The following PSTPIP2 variants were observed in gnomAD, a reference collection of about 807,000 sequenced individuals.
PSTPIP2 encodes the protein proline-serine-threonine phosphatase interacting protein 2.
PSTPIP2 carries 33 observed loss-of-function variants against 63.3 expected under a neutral mutation model. That is an observed-to-expected ratio of 0.52 (90% CI 0.40 to 0.70). The LOEUF (loss-of-function observed/expected upper bound fraction) is 0.70. PSTPIP2 is among the 30% of genes least tolerant of loss of function. PSTPIP2 has a pLI of 0.00. For missense variants in PSTPIP2, 312 were observed against 400.7 expected (o/e 0.78, Z 1.89); for synonymous variants, 125 against 132.7 (o/e 0.94, Z 0.40).
intron 1 of PSTPIP2, 54 bp from the exon 2 acceptor site, chr18:46,040,101 C>A: frequency 7.1e-7 from 1 of 1,399,884 alleles, no homozygotes; most frequent in Non-Finnish European, 9.8e-7. Flanking sequence ...GCCCCCAAGG[C>A]CGGAGAGAAG....
chr18:45,985,966 A>G (rs1204682496), intron 14 of PSTPIP2, among the ~76,000 whole-genome samples: 1 of 152,002 alleles, frequency 6.6e-6, no homozygotes, highest in Non-Finnish European at 1.5e-5. Context: ...TAGTAGAGAT[A>G]GGGTTTCACC....
chr18:46,056,734 A>G (rs944770731), intron 1 of PSTPIP2, among the ~76,000 whole-genome samples: 5 of 152,122 alleles, frequency 3.3e-5, no homozygotes, highest in Admixed American at 3.3e-4. Flanking sequence ...CTCTAAAGAA[A>G]TAAAGTTTTG....
At chr18:46,006,198 C>A (rs918101633) in intron 5 of PSTPIP2, among the ~76,000 whole-genome samples, 5 of 151,736 alleles carry the variant, frequency 3.3e-5, no homozygotes, top group African/African-American at 9.7e-5. Context: ...GGATTACAAG[C>A]CTGCACCACC....
At chr18:46,071,856 G>A (rs530950437) in intron 1 of PSTPIP2, among the ~76,000 whole-genome samples, 2 of 152,382 alleles carry the variant, frequency 1.3e-5, no homozygotes, top group South Asian at 4.1e-4. Context: ...TCAGGAGCAC[G>A]CGCTGCTGGG....
chr18:46,058,449 C>G (rs1365278359), intron 1 of PSTPIP2, among the ~76,000 whole-genome samples: 2 of 152,016 alleles, frequency 1.3e-5, no homozygotes, highest in South Asian at 2.1e-4. Flanking sequence ...CTCCTCCTCC[C>G]GGGTTCAAGC....
At chr18:46,043,627 A>G (rs1443539734) in intron 1 of PSTPIP2, among the ~76,000 whole-genome samples, 1 of 152,348 alleles carries the variant, frequency 6.6e-6, no homozygotes, top group South Asian at 2.1e-4. Context: ...CACTACTTCT[A>G]TTCAACACAC....
intron 1 of PSTPIP2, among the ~76,000 whole-genome samples, chr18:46,058,285 GTTT>G (rs1908846132): frequency 6.6e-6 from 1 of 151,942 alleles, no homozygotes; most frequent in African/African-American, 2.4e-5. Flanking sequence ...GATTTTTATG[GTTT>G]TTTACTCCAT....
At chr18:46,062,060 G>C (rs903697835) in intron 1 of PSTPIP2, among the ~76,000 whole-genome samples, 2 of 152,196 alleles carry the variant, frequency 1.3e-5, no homozygotes, top group Non-Finnish European at 2.9e-5. Context: ...TTCTCTGGCA[G>C]TTCAGCTTGC....
intron 10 of PSTPIP2, 72 bp downstream of exon 10, chr18:45,993,533 T>C: frequency 7.0e-7 from 1 of 1,419,746 alleles, no homozygotes; most frequent in East Asian, 2.3e-5. Context: ...AACCAATCAA[T>C]ATCTATAGTT....
intron 5 of PSTPIP2, among the ~76,000 whole-genome samples, 160 bp from the exon 6 acceptor site, chr18:46,005,691 C>T (rs1026337371): frequency 6.6e-6 from 1 of 152,214 alleles, no homozygotes; most frequent in African/African-American, 2.4e-5. Context: ...TTTGCCTAAG[C>T]TCTTATTCCT....
intron 6 of PSTPIP2, among the ~76,000 whole-genome samples, chr18:46,003,248 A>C (rs1443786665): frequency 6.6e-6 from 1 of 152,224 alleles, no homozygotes; most frequent in Non-Finnish European, 1.5e-5. Flanking sequence ...TTCCCGGTGC[A>C]GGTGGAAGTC....
intron 8 of PSTPIP2, 106 bp downstream of exon 8, chr18:45,998,688 A>G (rs2051630871): frequency 5.3e-6 from 6 of 1,131,538 alleles, no homozygotes; most frequent in Non-Finnish European, 7.6e-6. Context: ...GAATATCCAT[A>G]TATTCTCTCT....
At chr18:46,024,868 C>T (rs1907521467) in intron 2 of PSTPIP2, among the ~76,000 whole-genome samples, 182 bp from the exon 3 acceptor site, 1 of 152,144 alleles carries the variant, frequency 6.6e-6, no homozygotes, top group Non-Finnish European at 1.5e-5. Flanking sequence ...AGATCGATGG[C>T]CCTCATCTCT....
At chr18:46,033,567 G>A (rs1452465724) in intron 2 of PSTPIP2, among the ~76,000 whole-genome samples, 1 of 152,028 alleles carries the variant, frequency 6.6e-6, no homozygotes, top group Non-Finnish European at 1.5e-5. Flanking sequence ...GTGTAGTGGT[G>A]CACGTCTGTA....
chr18:46,036,134 TA>T (rs1907969309), intron 2 of PSTPIP2, among the ~76,000 whole-genome samples: 1 of 148,710 alleles, frequency 6.7e-6, no homozygotes, highest in Non-Finnish European at 1.5e-5. Context: ...TTTATTTAAT[TA>T]ATATTAATTA....
chr18:46,015,808 A>G (rs1486213505), intron 4 of PSTPIP2, 95 bp downstream of exon 4: 1 of 1,389,680 alleles, frequency 7.2e-7, no homozygotes, highest in Non-Finnish European at 9.9e-7. Context: ...TTCACCCACT[A>G]TGAAACTGCT....
intron 2 of PSTPIP2, chr18:46,029,712 CT>C: frequency 1.5e-6 from 1 of 669,500 alleles, no homozygotes; most frequent in Non-Finnish European, 2.7e-6. Flanking sequence ...GTTCATCTTC[CT>C]TCCTGTACAG....
intron 1 of PSTPIP2, among the ~76,000 whole-genome samples, chr18:46,067,066 A>T (rs1338817303): frequency 1.3e-5 from 2 of 151,864 alleles, no homozygotes; most frequent in Admixed American, 6.6e-5. Flanking sequence ...CGATTATTTT[A>T]AAGCTAGCTC....
At chr18:46,063,886 G>C (rs1291616139) in intron 1 of PSTPIP2, among the ~76,000 whole-genome samples, 1 of 152,164 alleles carries the variant, frequency 6.6e-6, no homozygotes, top group Non-Finnish European at 1.5e-5. Flanking sequence ...ATACTATTGG[G>C]AACACTGAGA....
Sources: allele counts gnomAD v4.1 joint callset (sites outside exome capture counted in the v4.1 genomes callset), GRCh38; gene constraint gnomAD v4.1.1; transcripts MANE v1.5; gene names NCBI Gene and HGNC (gene_info 2026-07-23, HGNC 2026-07-21).